Variants in RFX7 observed in about 807,000 individuals in gnomAD.
RFX7 encodes DNA-binding protein RFX7.
In RFX7, 26 loss-of-function variants were observed where a neutral mutation model predicts 111.8. The ratio of observed to expected loss-of-function variants is 0.23; its 90% CI spans 0.17 to 0.32. The LOEUF (loss-of-function observed/expected upper bound fraction) is 0.32, where lower values mean the gene tolerates loss of function less well. Among genes scored for constraint, RFX7 ranks in the 10% least tolerant of loss-of-function variants. The pLI, the probability that RFX7 is intolerant of heterozygous loss-of-function variation, is 1.00. For missense variants in RFX7, 1,573 were observed against 1,772.9 expected (o/e 0.89, Z 2.02); for synonymous variants, 624 against 624.4 (o/e 1.00, Z 0.01).
chr15:56,200,667 T>G (rs1275066288), intron 2 of RFX7, among the ~76,000 whole-genome samples: 1 of 151,974 alleles, frequency 6.6e-6, no homozygotes, highest in East Asian at 1.9e-4. Flanking sequence ...GGTGTGGTGG[T>G]GCATGCCTGT....
chr15:56,109,017 C>G (rs1485448280), intron 5 of RFX7, among the ~76,000 whole-genome samples: 1 of 131,818 alleles, frequency 7.6e-6, no homozygotes, highest in African/African-American at 2.6e-5. Flanking sequence ...GAACTACAAA[C>G]CTTCTCCCTC....
Position 56,194,870 on chromosome 15 carries a change from TA to T in RFX7, c.162-15568del, listed in dbSNP as rs2043132854. 2.0e-5 allele frequency among the ~76,000 whole-genome samples: 3 copies of T among 151,972 alleles called. No individual in the cohort carries two copies. The South Asian group carries it at 6.2e-4, about 31-fold the overall frequency. ...AAAACTTGACATATCTTCAAAAAGC[TA>T]AAACAGAGAATTACCACTTGACCTA... On this transcript the variant is annotated intron_variant, in intron 2 of 9. Transcript: ENST00000559447.
chr15:56,139,990 C>T (rs1391562073), intron 5 of RFX7, among the ~76,000 whole-genome samples: 1 of 152,014 alleles, frequency 6.6e-6, no homozygotes, highest in Admixed American at 6.5e-5. Flanking sequence ...TCTCCAGCTG[C>T]GTGCTGGGAG....
At chr15:56,205,383 T>C (rs1346206227) in intron 2 of RFX7, among the ~76,000 whole-genome samples, 1 of 152,202 alleles carries the variant, frequency 6.6e-6, no homozygotes, top group Non-Finnish European at 1.5e-5. Flanking sequence ...ATTATGCTTT[T>C]TGCCCAAATT....
chr15:56,244,547 G>T (rs1261783772), upstream of RFX7, among the ~76,000 whole-genome samples: 4 of 151,994 alleles, frequency 2.6e-5, no homozygotes, highest in Non-Finnish European at 4.4e-5. Flanking sequence ...CTTCCTTCGT[G>T]CCTTTGCTCA....
rs1341582194 is a variant in RFX7 at position 56,136,785 on chromosome 15, C to T, written c.401+5993G>A. 7.7e-3 allele frequency among the ~76,000 whole-genome samples: 1,081 copies of T among 141,286 alleles called. 7 individuals are homozygous for T. The highest frequency in any genetic ancestry group is 0.018 in the Middle Eastern group (5 of 280). The allele number at this position is 141,286 out of a possible 152,430, so 92.7% of individuals were successfully genotyped here. A position where few individuals can be genotyped will look rare whatever the true frequency, so the allele number is the denominator to read the frequency against. On this transcript the variant is annotated intron_variant, in intron 5 of 9. Transcript: ENST00000559447. ...AGATAGCTCTTATTATTTTGAGATA[C>T]GTCCCATCAATACCTAATTTATTGA...
At chr15:56,160,992 T>G (rs776858950) in intron 3 of RFX7, among the ~76,000 whole-genome samples, 1 of 152,102 alleles carries the variant, frequency 6.6e-6, no homozygotes, top group African/African-American at 2.4e-5. Context: ...TGTACTGTAT[T>G]ATCGTGAGGA....
At chr15:56,212,435 G>A (rs2043322199) in intron 2 of RFX7, among the ~76,000 whole-genome samples, 1 of 152,096 alleles carries the variant, frequency 6.6e-6, no homozygotes, top group Non-Finnish European at 1.5e-5. Context: ...GTGGATACAT[G>A]TCATTATATA....
intron 2 of RFX7, among the ~76,000 whole-genome samples, chr15:56,202,169 C>T (rs1413811570): frequency 2.6e-5 from 4 of 152,124 alleles, no homozygotes; most frequent in Admixed American, 6.5e-5. Context: ...CCTATCACTT[C>T]GCGGGAGAAG....
At chr15:56,177,663 A>G (rs1298454529) in intron 3 of RFX7, among the ~76,000 whole-genome samples, 1 of 152,198 alleles carries the variant, frequency 6.6e-6, no homozygotes, top group African/African-American at 2.4e-5. Flanking sequence ...ATGAAGAGAA[A>G]AAAGTGAGTG....
chr15:56,224,387 T>A (rs1389936196), intron 2 of RFX7, among the ~76,000 whole-genome samples: 1 of 152,058 alleles, frequency 6.6e-6, no homozygotes. Context: ...TTGAAAACTG[T>A]ATCATCACTC....
Position 56,243,299 on chromosome 15 carries a change from T to G in RFX7, c.-2-12A>C, listed in dbSNP as rs927234693. 0.07 allele frequency: 3,805 copies of G among 54,392 alleles called. No homozygotes were observed. Among genetic ancestry groups the G allele is most frequent in the South Asian group, 0.14 (1,076 of 7,568 alleles). The allele number at this position is 54,392 out of a possible 1,614,324, so 3.4% of individuals were successfully genotyped here. ...TTCCTCTGCCATCGCTGCAGAGGGG[T>G]GGGAGGGAGGGAGGGAAAGATGGGG... is the stretch of plus-strand genomic sequence containing the variant. On this transcript the variant is annotated splice_polypyrimidine_tract_variant and intron_variant, in intron 1 of 9. Transcript: ENST00000559447.
intron 2 of RFX7, among the ~76,000 whole-genome samples, chr15:56,234,049 G>A (rs543200743): frequency 6.3e-4 from 96 of 152,302 alleles, no homozygotes; most frequent in African/African-American, 2.2e-3. Context: ...ATACTGTTAA[G>A]TGTGTTTGGA....
At chr15:56,198,104 TAA>T (rs1349886645) in intron 2 of RFX7, among the ~76,000 whole-genome samples, 1 of 152,110 alleles carries the variant, frequency 6.6e-6, no homozygotes, top group African/African-American at 2.4e-5. Flanking sequence ...ACAGGAAACC[TAA>T]AGAGATGGGA....
At chr15:56,214,576 G>A (rs189407650) in intron 2 of RFX7, among the ~76,000 whole-genome samples, 36 of 152,116 alleles carry the variant, frequency 2.4e-4, no homozygotes, top group Non-Finnish European at 2.6e-4. Context: ...TTAGCCAGGC[G>A]CGGTGGCGGG....
At chr15:56,173,551 CA>C (rs1410801470) in intron 3 of RFX7, among the ~76,000 whole-genome samples, 4 of 152,200 alleles carry the variant, frequency 2.6e-5, no homozygotes, top group African/African-American at 9.6e-5. Flanking sequence ...GAAGCCACGG[CA>C]AGTGGATCAG....
At position 56,198,287 on chromosome 15, in the gene RFX7, GAAAA is replaced by G. The variant is rs147575832; in HGVS notation, c.162-18988_162-18985del. On this transcript the variant is annotated intron_variant, in intron 2 of 9. Transcript: ENST00000559447. ...GCTGTAGTGGAGGCAGTATAAAAAA[GAAAA>G]AAAAGAATGGGACCTAGAATGACTT... Among the ~76,000 whole-genome samples the G allele has an allele frequency of 4.6e-5, 7 of 151,460 alleles. No homozygotes were observed. The South Asian group carries it at 1.5e-3, about 32-fold the overall frequency.
At chr15:56,228,048 G>A (rs557860562) in intron 2 of RFX7, among the ~76,000 whole-genome samples, 1 of 152,070 alleles carries the variant, frequency 6.6e-6, no homozygotes, top group East Asian at 1.9e-4. Flanking sequence ...CTTCTTGCTT[G>A]CATGCTTTCT....
chr15:56,139,673 T>C (rs1423322363), intron 5 of RFX7, among the ~76,000 whole-genome samples: 1 of 152,304 alleles, frequency 6.6e-6, no homozygotes, highest in Admixed American at 6.5e-5. Context: ...CTGCGTTCCT[T>C]TGGAGGAGGA....
Sources: gnomAD v4.1 joint callset for allele counts (sites outside exome capture counted in the v4.1 genomes callset) on GRCh38, gnomAD v4.1.1 for gene constraint, MANE v1.5 for transcripts, NCBI Gene and HGNC (gene_info 2026-07-23, HGNC 2026-07-21) for gene names.